The following TCF4 variants were observed in gnomAD, a reference collection of about 807,000 sequenced individuals.
TCF4 encodes SL3-3 enhancer factor 2.
In TCF4, 3 loss-of-function variants were observed where a neutral mutation model predicts 82.1. That is an observed-to-expected ratio of 0.04 (90% confidence interval 0.02 to 0.09). TCF4 has a LOEUF of 0.09. Among genes scored for constraint, TCF4 ranks in the 10% least tolerant of loss-of-function variants. TCF4 has a pLI of 1.00. For missense variants in TCF4, 518 were observed against 852.7 expected (o/e 0.61, Z 4.89); for synonymous variants, 276 against 309.6 (o/e 0.89, Z 1.14).
At chr18:55,533,624 T>C (rs1341153520) in intron 3 of TCF4, among the ~76,000 whole-genome samples, 2 of 152,198 alleles carry the variant, frequency 1.3e-5, no homozygotes, top group Admixed American at 1.3e-4. Flanking sequence ...TTGACGTTTT[T>C]CACAATGAAA....
intron 8 of TCF4, among the ~76,000 whole-genome samples, chr18:55,307,878 T>G (rs1245269032): frequency 6.6e-6 from 1 of 152,220 alleles, no homozygotes; most frequent in Non-Finnish European, 1.5e-5. Context: ...GGGAAAGCTC[T>G]GGAATTGTCT....
chr18:55,263,454 T>G (rs1428786603), intron 11 of TCF4, among the ~76,000 whole-genome samples: 1 of 152,022 alleles, frequency 6.6e-6, no homozygotes, highest in Non-Finnish European at 1.5e-5. Flanking sequence ...AAGGAGTCCT[T>G]TAAAAACTAA....
chr18:55,250,217 C>G (rs2054589163), intron 15 of TCF4, among the ~76,000 whole-genome samples: 1 of 152,160 alleles, frequency 6.6e-6, no homozygotes, highest in African/African-American at 2.4e-5. Flanking sequence ...GGAGAGTTCA[C>G]ACCTCTTAGG....
chr18:55,557,361 C>T (rs780940640), intron 3 of TCF4, among the ~76,000 whole-genome samples: 2 of 151,912 alleles, frequency 1.3e-5, no homozygotes, highest in Non-Finnish European at 2.9e-5. Flanking sequence ...TCACTGGAGC[C>T]CTGGAGCTGG....
At chr18:55,635,792 G>T (rs2097735793) in exon 1 of TCF4, 1 of 1,551,918 alleles carries the variant, frequency 6.4e-7, no homozygotes, top group Non-Finnish European at 8.7e-7. Context: ...AATGATGGCT[G>T]GCTTTCAACT....
intron 3 of TCF4, among the ~76,000 whole-genome samples, chr18:55,490,503 G>C (rs1006827813): frequency 6.6e-6 from 1 of 151,850 alleles, no homozygotes; most frequent in Non-Finnish European, 1.5e-5. Context: ...ACTTAGCAGA[G>C]TATCATACAC....
At chr18:55,586,869 T>A in intron 2 of TCF4, 176 bp downstream of exon 2, 15 of 525,050 alleles carry the variant, frequency 2.9e-5, no homozygotes, top group Non-Finnish European at 4.4e-5. Flanking sequence ...GAATCTTCCA[T>A]CACACCACAA....
intron 8 of TCF4, among the ~76,000 whole-genome samples, chr18:55,301,347 T>C (rs1322833256): frequency 1.3e-5 from 2 of 152,232 alleles, no homozygotes; most frequent in African/African-American, 2.4e-5. Context: ...CTCTCGCCTC[T>C]GCATGTATAT....
At chr18:55,402,398 G>A (rs537036755) in intron 6 of TCF4, among the ~76,000 whole-genome samples, 7 of 152,068 alleles carry the variant, frequency 4.6e-5, no homozygotes, top group African/African-American at 1.4e-4. Flanking sequence ...TATTAAATGG[G>A]CTGTTTAAAA....
At chr18:55,248,059 C>A (rs1298981511) in intron 15 of TCF4, among the ~76,000 whole-genome samples, 2 of 152,078 alleles carry the variant, frequency 1.3e-5, no homozygotes, top group Non-Finnish European at 2.9e-5. Flanking sequence ...CCTGAGAGTC[C>A]ATGGGAATAA....
At chr18:55,523,479 A>G (rs1380049143) in intron 3 of TCF4, among the ~76,000 whole-genome samples, 3 of 151,996 alleles carry the variant, frequency 2.0e-5, no homozygotes, top group African/African-American at 7.2e-5. Context: ...AATAAGTATG[A>G]ATTTATTTAA....
chr18:55,322,427 A>T, intron 8 of TCF4: 1 of 704,354 alleles, frequency 1.4e-6, no homozygotes, highest in Non-Finnish European at 1.7e-6. Flanking sequence ...GGAGGGAAGA[A>T]AAAAAAAAAA....
intron 8 of TCF4, chr18:55,322,353 G>T: frequency 9.8e-7 from 1 of 1,016,022 alleles, no homozygotes; most frequent in Non-Finnish European, 1.2e-6. Flanking sequence ...CTCTGCTGCT[G>T]GCTAGCTCCC....
chr18:55,601,353 A>T (rs1315563151), intron 2 of TCF4, among the ~76,000 whole-genome samples: 4 of 152,052 alleles, frequency 2.6e-5, no homozygotes, highest in Non-Finnish European at 4.4e-5. Flanking sequence ...AAGTGACCAG[A>T]TTCACATTCC....
At chr18:55,238,861 C>T (rs2050332835) in intron 15 of TCF4, among the ~76,000 whole-genome samples, 1 of 152,184 alleles carries the variant, frequency 6.6e-6, no homozygotes, top group Admixed American at 6.5e-5. Flanking sequence ...ATGCCAAGAT[C>T]ACTGGATGGC....
chr18:55,399,702 T>A (rs1354208085), intron 6 of TCF4, among the ~76,000 whole-genome samples: 1 of 152,144 alleles, frequency 6.6e-6, no homozygotes, highest in Non-Finnish European at 1.5e-5. Context: ...CAGGGTATAT[T>A]TCTACAGAAC....
At chr18:55,337,751 C>G (rs2078954696) in intron 8 of TCF4, among the ~76,000 whole-genome samples, 1 of 152,056 alleles carries the variant, frequency 6.6e-6, no homozygotes, top group Non-Finnish European at 1.5e-5. Flanking sequence ...ATATATTATT[C>G]TTTGGTATTA....
In TCF4 at chr18:55,585,983, T is replaced by C; in HGVS notation, c.73-631A>G. On this transcript the variant is annotated intron_variant, in intron 2 of 19. Coordinates refer to ENST00000354452, the MANE Select transcript of TCF4 (RefSeq NM_001083962.2). ...GTGGATAATGCACACCTTCCCTGAG[T>C]CAGAGCCTGCAAAAAGCAAAGGAAC... 3 of 1,329,492 alleles carry C rather than the reference T, an allele frequency of 2.3e-6. No homozygotes were observed. In the South Asian group the frequency reaches 4.5e-5, roughly 20 times the overall value. 82.4% of individuals were successfully genotyped at this position (1,329,492 alleles called of 1,614,324 possible).
At chr18:55,266,138 G>C (rs2059128480) in intron 11 of TCF4, 1 of 152,122 alleles carries the variant, frequency 6.6e-6, no homozygotes, top group Non-Finnish European at 1.5e-5. Flanking sequence ...GCTATGGTAG[G>C]AGGTCCTCTT....
Sources: gnomAD v4.1 joint callset for allele counts (sites outside exome capture counted in the v4.1 genomes callset) on GRCh38, gnomAD v4.1.1 for gene constraint, MANE v1.5 for transcripts, NCBI Gene and HGNC (gene_info 2026-07-23, HGNC 2026-07-21) for gene names.